Variants in SATB1 observed in about 807,000 individuals in gnomAD.
The protein encoded by SATB1 is SATB homeobox 1.
SATB1 carries 11 observed loss-of-function variants against 86.9 expected under a neutral mutation model. The ratio of observed to expected loss-of-function variants is 0.13; its 90% CI spans 0.08 to 0.21. The LOEUF is 0.21. Among genes scored for constraint, SATB1 ranks in the 10% least tolerant of loss-of-function variants. The pLI is 1.00. For synonymous variants in SATB1, 357 were observed against 357.2 expected, an observed-to-expected ratio of 1.00 and a Z score of 0.01; for missense variants, 551 against 937.6, an observed-to-expected ratio of 0.59 and a Z score of 5.39.
chr3:18,441,324 C>T (rs1050547603), upstream of SATB1, among the ~76,000 whole-genome samples: 5 of 152,012 alleles, frequency 3.3e-5, no homozygotes, highest in Admixed American at 2.6e-4. Flanking sequence ...AAATAAGAAC[C>T]CATCTTATCT....
At chr3:18,377,002 T>A (rs905435912) in intron 9 of SATB1, among the ~76,000 whole-genome samples, 2 of 152,212 alleles carry the variant, frequency 1.3e-5, no homozygotes, top group African/African-American at 4.8e-5. Context: ...TAATCATTTT[T>A]ATATAACATT....
In SATB1 at chr3:18,381,835, C is replaced by T. The variant is rs569955359; in HGVS notation, c.1420-3510G>A. Among the ~76,000 whole-genome samples, 84 of 150,788 alleles carry T rather than the reference C, an allele frequency of 5.6e-4. 1 individual carries two copies. Among genetic ancestry groups the T allele is most frequent in the African/African-American group, 2.0e-3 (81 of 41,010 alleles). ...GCTTATTAGTGATGGAAAATATTTC[C>T]CACTCTCAAATTTTAATATATTAAC... On this transcript the variant is annotated intron_variant, in intron 8 of 10. Coordinates refer to ENST00000338745, the MANE Select transcript of SATB1 (RefSeq NM_002971.6).
rs575271091 is a variant in SATB1 at position 18,404,428 on chromosome 3, A to G, written c.640-7138T>C. Among the ~76,000 whole-genome samples the G allele has an allele frequency of 3.2e-3, 489 of 152,140 alleles. 1 individual carries two copies. Among genetic ancestry groups the G allele is most frequent in the Middle Eastern group, 0.01 (3 of 294 alleles). ...AGTTATGGCTCTTGCCATCTTGATC[A>G]ATCCTAGTGCCTGAAAATGGCATTT... On this transcript the variant is annotated intron_variant, in intron 5 of 10. Coordinates refer to ENST00000338745, the MANE Select transcript of SATB1 (RefSeq NM_002971.6).
chr3:18,428,135 C>T (rs956757518), upstream of SATB1, among the ~76,000 whole-genome samples: 1 of 152,180 alleles, frequency 6.6e-6, no homozygotes, highest in African/African-American at 2.4e-5. Context: ...TTATTTCTTA[C>T]ACTGTGGAGG....
chr3:18,415,518 C>T (rs986930529), intron 4 of SATB1, among the ~76,000 whole-genome samples: 20 of 151,980 alleles, frequency 1.3e-4, no homozygotes, highest in African/African-American at 4.3e-4. Flanking sequence ...ACTGCTTTCT[C>T]CTGAGCCATC....
At chr3:18,407,912 C>T (rs565167189) in intron 5 of SATB1, among the ~76,000 whole-genome samples, 2 of 152,108 alleles carry the variant, frequency 1.3e-5, no homozygotes, top group South Asian at 4.1e-4. Context: ...ATACTTGTTA[C>T]ATTTCTGAAC....
In SATB1 at chr3:18,349,153, A is replaced by T; in HGVS notation, c.*17T>A. 1 of 1,609,696 alleles carries T rather than the reference A, an allele frequency of 6.2e-7. No individual in the cohort carries two copies. The highest frequency in any genetic ancestry group is 2.2e-5 in the East Asian group (1 of 44,798). On this transcript the variant is annotated 3_prime_UTR_variant, in exon 11 of 11. Transcript: ENST00000338745. The surrounding 1 kb of genome is among the most constrained non-coding windows in gnomAD (Gnocchi z 5.5). ...TAAATACCAGTGGCACTGTTGAACGAAACAAATACTTTTATCTCAGTCTTT... is the reference window on the plus strand; with the variant it reads ...TAAATACCAGTGGCACTGTTGAACGTAACAAATACTTTTATCTCAGTCTTT...
chr3:18,425,379 A>G (rs1334128924), upstream of SATB1: 2 of 140,256 alleles, frequency 1.4e-5, no homozygotes, highest in Non-Finnish European at 3.1e-5. Flanking sequence ...AGGAGGGGGG[A>G]GGAGAGGAGG....
rs1028305305 is a variant in SATB1, at chr3:18,394,061, G to A, written c.1206+401C>T. The stretch of plus-strand genomic sequence containing the variant: ...CATTTATATACCTAAGTTTGATATG[G>A]GTAGTAACAACATAAATGGAAAAGA... On this transcript the variant is annotated intron_variant, in intron 7 of 10. Transcript: ENST00000338745. This position sits in a 1 kb window ranked among gnomAD's most constrained non-coding sequence, Gnocchi z 5.9. Among the ~76,000 whole-genome samples the A allele has an allele frequency of 5.9e-5, 9 of 152,136 alleles. No homozygotes were observed. Among genetic ancestry groups the A allele is most frequent in the Admixed American group, 2.0e-4 (3 of 15,256 alleles).
chr3:18,425,731 G>A (rs1052480144), upstream of SATB1, among the ~76,000 whole-genome samples: 1 of 151,818 alleles, frequency 6.6e-6, no homozygotes, highest in Non-Finnish European at 1.5e-5. Flanking sequence ...AGGGGAGGAG[G>A]AGAGGGGGCT....
chr3:18,436,110 T>G (rs1266663007), intron 2 of SATB1, among the ~76,000 whole-genome samples: 1 of 152,194 alleles, frequency 6.6e-6, no homozygotes, highest in Admixed American at 6.5e-5. Context: ...TCAGAATTAG[T>G]TTTAAGGAAT....
chr3:18,354,684 G>A (rs1324439605), intron 9 of SATB1, among the ~76,000 whole-genome samples: 1 of 152,066 alleles, frequency 6.6e-6, no homozygotes, highest in Non-Finnish European at 1.5e-5. Flanking sequence ...TTAAAGTAAT[G>A]CAGAGATCAG....
rs1166036839 is a variant in SATB1 at position 18,346,820 on chromosome 3, A to T, written c.*2350T>A. The T allele has an allele frequency of 6.6e-6, 1 of 152,182 alleles. No individual in the cohort carries two copies. Among genetic ancestry groups the T allele is most frequent in the Non-Finnish European group, 1.5e-5 (1 of 68,014 alleles). 9.4% of individuals were successfully genotyped at this position (152,182 alleles called of 1,614,324 possible). The stretch of plus-strand genomic sequence containing the variant: ...CCCAAACTTAGGGGATATAAGGAAG[A>T]GGAAGATAACTTCATGGCATTTGAG... On this transcript the variant is annotated 3_prime_UTR_variant, in exon 11 of 11. Transcript: ENST00000338745.
upstream of SATB1, among the ~76,000 whole-genome samples, chr3:18,427,568 CT>C (rs1207116347): frequency 6.6e-6 from 1 of 152,106 alleles, no homozygotes; most frequent in African/African-American, 2.4e-5. Flanking sequence ...TGTAAACATG[CT>C]TATTACATCA....
intron 10 of SATB1, chr3:18,351,292 T>C (rs776901541): frequency 2.6e-5 from 40 of 1,532,364 alleles, no homozygotes; most frequent in East Asian, 1.2e-4. Context: ...CTTGGTGGCA[T>C]AGGTAACTGT....
At chr3:18,357,544 T>C (rs1694706997) in intron 9 of SATB1, among the ~76,000 whole-genome samples, 1 of 96,998 alleles carries the variant, frequency 1.0e-5, no homozygotes, top group Admixed American at 9.7e-5. Context: ...GAGGGCAATT[T>C]TTTTTTTTTT....
At chr3:18,361,941 G>A (rs1694923601) in intron 9 of SATB1, among the ~76,000 whole-genome samples, 1 of 152,064 alleles carries the variant, frequency 6.6e-6, no homozygotes, top group African/African-American at 2.4e-5. Context: ...TCATCTCTAG[G>A]TGATTAAATT....
intron 1 of SATB1, among the ~76,000 whole-genome samples, chr3:18,422,713 A>C (rs1698452760): frequency 6.6e-6 from 1 of 152,266 alleles, no homozygotes; most frequent in Non-Finnish European, 1.5e-5. Flanking sequence ...ATCCTAGAGC[A>C]GAAGATGAAT....
intron 5 of SATB1, among the ~76,000 whole-genome samples, chr3:18,403,653 T>TA (rs1057342929): frequency 9.9e-5 from 15 of 151,908 alleles, no homozygotes; most frequent in African/African-American, 2.4e-4. Flanking sequence ...AATGTGTATT[T>TA]AAAAAAAACC....
Sources: gnomAD v4.1 joint callset for allele counts (sites outside exome capture counted in the v4.1 genomes callset) on GRCh38, gnomAD v4.1.1 for gene constraint, Gnocchi (gnomAD v3.1) non-coding constraint, MANE v1.5 for transcripts, NCBI Gene and HGNC (gene_info 2026-07-23, HGNC 2026-07-21) for gene names.